NTRK3: variants seen among roughly 807,000 people sequenced by gnomAD.
The protein encoded by NTRK3 is NT-3 growth factor receptor.
A neutral mutation model predicts 91.7 loss-of-function variants in NTRK3; 24 were observed. The observed-to-expected ratio is 0.26, with a 90% CI of 0.19 to 0.37. NTRK3 has a LOEUF of 0.37. Among genes scored for constraint, NTRK3 ranks in the 10% least tolerant of loss-of-function variants. NTRK3 has a pLI of 1.00. For synonymous variants in NTRK3, 483 were observed against 404.0 expected (o/e 1.20, Z -2.34); for missense variants, 880 against 1,068.9 (o/e 0.82, Z 2.46).
At chr15:88,027,643 A>G (rs548191108) in intron 14 of NTRK3, among the ~76,000 whole-genome samples, 1 of 152,144 alleles carries the variant, frequency 6.6e-6, no homozygotes, top group South Asian at 2.1e-4. Context: ...CGGCCTCCCA[A>G]AGTGCTGGGA....
chr15:88,001,930 G>T (rs536864054), intron 14 of NTRK3, among the ~76,000 whole-genome samples: 133 of 152,046 alleles, frequency 8.7e-4, no homozygotes, highest in African/African-American at 3.1e-3. Context: ...AAGGAGTACT[G>T]GTATATTAAT....
chr15:87,945,900 T>G (rs2070445088), intron 14 of NTRK3, among the ~76,000 whole-genome samples: 1 of 152,112 alleles, frequency 6.6e-6, no homozygotes, highest in Non-Finnish European at 1.5e-5. Context: ...CTCTAGTTCC[T>G]TATCTGTAGA....
chr15:88,208,914 C>T (rs940452223), intron 3 of NTRK3, among the ~76,000 whole-genome samples: 36 of 152,318 alleles, frequency 2.4e-4, no homozygotes, highest in African/African-American at 8.2e-4. Flanking sequence ...ACGAATTCAA[C>T]AAAACGATGT....
At chr15:88,161,270 A>G (rs1424765409) in intron 5 of NTRK3, among the ~76,000 whole-genome samples, 1 of 152,210 alleles carries the variant, frequency 6.6e-6, no homozygotes, top group African/African-American at 2.4e-5. Context: ...TTACAGAGCA[A>G]GTGAGTTAGA....
At chr15:88,066,497 G>T (rs2046662208) in intron 13 of NTRK3, among the ~76,000 whole-genome samples, 1 of 152,120 alleles carries the variant, frequency 6.6e-6, no homozygotes, top group Non-Finnish European at 1.5e-5. Flanking sequence ...CATTTCGTAG[G>T]CCCTTGAATG....
chr15:87,984,045 T>C (rs2141401200), intron 14 of NTRK3, among the ~76,000 whole-genome samples: 1 of 152,092 alleles, frequency 6.6e-6, no homozygotes, highest in East Asian at 1.9e-4. Context: ...ACCCCTTCAT[T>C]TTGATGATGT....
chr15:87,935,188 A>C (rs1211482725), intron 15 of NTRK3, among the ~76,000 whole-genome samples: 1 of 152,166 alleles, frequency 6.6e-6, no homozygotes, highest in Non-Finnish European at 1.5e-5. Context: ...GGGCAGAGGA[A>C]TAAAAGGACA....
intron 17 of NTRK3, among the ~76,000 whole-genome samples, chr15:87,884,069 G>T (rs1383835511): frequency 6.7e-6 from 1 of 149,218 alleles, no homozygotes; most frequent in Non-Finnish European, 1.5e-5. Flanking sequence ...AATAAATACT[G>T]ATTAATCAGT....
At chr15:87,892,021 TC>T (rs2065877542) in intron 17 of NTRK3, among the ~76,000 whole-genome samples, 1 of 151,910 alleles carries the variant, frequency 6.6e-6, no homozygotes, top group African/African-American at 2.4e-5. Context: ...ATGGATTTTT[TC>T]TAAAATTAAA....
intron 13 of NTRK3, among the ~76,000 whole-genome samples, chr15:88,116,900 G>A (rs915082673): frequency 4.6e-5 from 7 of 152,176 alleles, no homozygotes; most frequent in African/African-American, 1.2e-4. Flanking sequence ...CAGTGGGTAT[G>A]GGGTAAACCC....
At position 87,944,183 on chromosome 15, in the gene NTRK3, C is replaced by T. The variant is rs1004457995; in HGVS notation, c.1586-3430G>A. Among the ~76,000 whole-genome samples, 2 of 152,186 alleles carry T rather than the reference C, an allele frequency of 1.3e-5. 1 individual carries two copies. Among genetic ancestry groups the T allele is most frequent in the South Asian group, 4.1e-4 (2 of 4,828 alleles). On this transcript the variant is annotated intron_variant, in intron 14 of 18. Coordinates refer to ENST00000394480, the Ensembl canonical transcript of NTRK3. The stretch of plus-strand genomic sequence containing the variant: ...TTCTCCTCCAGGAAAGGACTGGTTC[C>T]TCATCATGAGGATAAGAAGCTCCAC...
At chr15:87,990,951 C>A (rs768126886) in intron 14 of NTRK3, among the ~76,000 whole-genome samples, 1 of 152,190 alleles carries the variant, frequency 6.6e-6, no homozygotes, top group Non-Finnish European at 1.5e-5. Flanking sequence ...CACTGTTTTG[C>A]AGATCATTCA....
chr15:88,056,121 T>A (rs1284541549), intron 13 of NTRK3, among the ~76,000 whole-genome samples: 1 of 148,564 alleles, frequency 6.7e-6, no homozygotes, highest in Non-Finnish European at 1.5e-5. Flanking sequence ...AGCTCTCAAC[T>A]GAACAAATCA....
intron 3 of NTRK3, among the ~76,000 whole-genome samples, chr15:88,247,863 G>A (rs1002452013): frequency 6.6e-6 from 1 of 152,060 alleles, no homozygotes; most frequent in Non-Finnish European, 1.5e-5. Flanking sequence ...GTAAGGTCGC[G>A]GGGGGATAAA....
At chr15:88,166,893 A>G (rs1223254165) in intron 5 of NTRK3, among the ~76,000 whole-genome samples, 1 of 152,086 alleles carries the variant, frequency 6.6e-6, no homozygotes, top group Non-Finnish European at 1.5e-5. Context: ...AACACAATAA[A>G]TATTTCGTCT....
intron 13 of NTRK3, among the ~76,000 whole-genome samples, chr15:88,065,901 G>C (rs1202032659): frequency 6.6e-6 from 1 of 152,062 alleles, no homozygotes; most frequent in Non-Finnish European, 1.5e-5. Flanking sequence ...CATAAGCCTT[G>C]TCAAACAAAG....
intron 13 of NTRK3, among the ~76,000 whole-genome samples, chr15:88,042,792 G>C (rs1036454868): frequency 5.3e-5 from 8 of 152,180 alleles, no homozygotes; most frequent in African/African-American, 1.7e-4. Flanking sequence ...CTTATCCCCA[G>C]TGATGTAGTT....
chr15:87,862,595 T>C, exon 19 of NTRK3: 2 of 226,674 alleles, frequency 8.8e-6, no homozygotes, highest in Non-Finnish European at 8.8e-6. Context: ...TGACAATTAG[T>C]TAAGAGTAGA....
chr15:88,102,995 G>C (rs2050335795), intron 13 of NTRK3, among the ~76,000 whole-genome samples: 1 of 152,206 alleles, frequency 6.6e-6, no homozygotes, highest in Non-Finnish European at 1.5e-5. Flanking sequence ...ACTGGGCACA[G>C]AATAAGAACT....
Sources: gnomAD v4.1 joint callset for allele counts (sites outside exome capture counted in the v4.1 genomes callset) on GRCh38, gnomAD v4.1.1 for gene constraint, MANE v1.5 for transcripts, NCBI Gene and HGNC (gene_info 2026-07-23, HGNC 2026-07-21) for gene names.